The following PDZRN4 variants were observed in gnomAD, a reference collection of about 807,000 sequenced individuals.
PDZRN4 encodes the protein PDZ domain containing ring finger 4, also known as PDZ domain-containing RING finger protein 4.
Under a neutral mutation model 99.0 loss-of-function variants are expected in PDZRN4, and 70 were observed. The observed-to-expected ratio is 0.71, with a 90% CI of 0.58 to 0.86. PDZRN4 has a LOEUF of 0.86. PDZRN4 is among the 40% of genes least tolerant of loss of function. PDZRN4 has a pLI of 0.00. For synonymous variants in PDZRN4, 551 were observed against 501.6 expected (o/e 1.10, Z -1.32); for missense variants, 1,474 against 1,331.2 (o/e 1.11, Z -1.67).
chr12:41,555,884 A>C, intron 7 of PDZRN4, 124 bp downstream of exon 7: 1 of 751,106 alleles, frequency 1.3e-6, no homozygotes, highest in Non-Finnish European at 2.2e-6. Context: ...CATCTACAAA[A>C]CCAAAAAAAA....
chr12:41,481,915 C>T (rs932443870), intron 3 of PDZRN4, among the ~76,000 whole-genome samples: 2 of 151,944 alleles, frequency 1.3e-5, no homozygotes, highest in African/African-American at 4.8e-5. Flanking sequence ...TCAATTTACC[C>T]GATTAAGAAG....
intron 3 of PDZRN4, among the ~76,000 whole-genome samples, chr12:41,427,311 G>A (rs1952545299): frequency 6.6e-6 from 1 of 152,188 alleles, no homozygotes; most frequent in Admixed American, 6.5e-5. Flanking sequence ...ACTTTGGCAA[G>A]GCTATATTAT....
Position 41,206,357 on chromosome 12 carries a change from GT to G in PDZRN4, c.843+12176del, listed in dbSNP as rs201747480. The stretch of plus-strand genomic sequence containing the variant: ...TACTTGCAAAGACTTGGTATTGTGT[GT>G]TTTTTTAATTTCATCCATCTGGTGA... On this transcript the variant is annotated intron_variant, in intron 3 of 9. Transcript: ENST00000402685. Among the ~76,000 whole-genome samples the G allele has an allele frequency of 9.9e-4, 150 of 151,820 alleles. 3 individuals carry two copies. The East Asian group carries it at 0.026, about 26-fold the overall frequency.
At chr12:41,374,324 C>A (rs1952064144) in intron 3 of PDZRN4, among the ~76,000 whole-genome samples, 1 of 152,010 alleles carries the variant, frequency 6.6e-6, no homozygotes, top group African/African-American at 2.4e-5. Context: ...AAAGGTAAGT[C>A]ATTTTTCTGG....
At chr12:41,272,108 C>T (rs1951318328) in intron 3 of PDZRN4, among the ~76,000 whole-genome samples, 1 of 151,544 alleles carries the variant, frequency 6.6e-6, no homozygotes, top group African/African-American at 2.4e-5. Flanking sequence ...AACTTGTTTC[C>T]TTAATTCACA....
At chr12:41,472,807 A>G (rs1445419590) in intron 3 of PDZRN4, among the ~76,000 whole-genome samples, 2 of 152,218 alleles carry the variant, frequency 1.3e-5, no homozygotes, top group African/African-American at 2.4e-5. Flanking sequence ...TAACTTTCCC[A>G]TAGGCATTGC....
At chr12:41,214,429 C>CAAAAAAA (rs1950907530) in intron 3 of PDZRN4, among the ~76,000 whole-genome samples, 1 of 16,202 alleles carries the variant, frequency 6.2e-5, no homozygotes. Context: ...ACCCTGTCCC[C>CAAAAAAA]TAAAAAAAAA....
rs374830334 is a variant in PDZRN4, at chr12:41,378,119, CTATGACCATTATTATGTTGA to C, written c.844-128335_844-128316del. On this transcript the variant is annotated intron_variant, in intron 3 of 9. Coordinates refer to ENST00000402685, the MANE Select transcript of PDZRN4 (RefSeq NM_001164595.2). ...ATGATGTTAGCTGTGGACTTATCAT[CTATGACCATTATTATGTTGA>C]TGTACATTCATTCTATACCCAATTT... Among the ~76,000 whole-genome samples the C allele has an allele frequency of 1.8e-3, 267 of 152,240 alleles. 2 individuals carry two copies. The highest frequency in any genetic ancestry group is 6.1e-3 in the African/African-American group (253 of 41,540).
chr12:41,505,593 G>A (rs2120671468), intron 3 of PDZRN4, among the ~76,000 whole-genome samples: 1 of 152,222 alleles, frequency 6.6e-6, no homozygotes, highest in South Asian at 2.1e-4. Flanking sequence ...GCATAGGAGA[G>A]TCCCACAAAA....
At chr12:41,302,794 A>G (rs1268485288) in intron 3 of PDZRN4, among the ~76,000 whole-genome samples, 2 of 152,124 alleles carry the variant, frequency 1.3e-5, no homozygotes. Context: ...TCCCCCATCC[A>G]TAATGGATGA....
At chr12:41,395,694 G>T (rs1319738567) in intron 3 of PDZRN4, among the ~76,000 whole-genome samples, 1 of 152,006 alleles carries the variant, frequency 6.6e-6, no homozygotes, top group Admixed American at 6.6e-5. Flanking sequence ...TATCTTCAAA[G>T]TATACCTATC....
intron 3 of PDZRN4, among the ~76,000 whole-genome samples, chr12:41,400,534 T>C (rs1156234968): frequency 6.6e-6 from 1 of 152,170 alleles, no homozygotes; most frequent in African/African-American, 2.4e-5. Context: ...TCTTCTCATA[T>C]GAAAATATAC....
chr12:41,229,338 C>T (rs948415665), intron 3 of PDZRN4, among the ~76,000 whole-genome samples: 1 of 151,936 alleles, frequency 6.6e-6, no homozygotes, highest in Non-Finnish European at 1.5e-5. Context: ...GAGTGCCAGA[C>T]AGGATTCTTA....
At chr12:41,540,513 CACAA>C (rs748850918) in intron 5 of PDZRN4, among the ~76,000 whole-genome samples, 1 of 152,096 alleles carries the variant, frequency 6.6e-6, no homozygotes, top group East Asian at 1.9e-4. Context: ...TTCTATGTAA[CACAA>C]ACAATCTGAT....
chr12:41,493,847 A>G (rs903967495), intron 3 of PDZRN4, among the ~76,000 whole-genome samples: 4 of 150,024 alleles, frequency 2.7e-5, no homozygotes, highest in African/African-American at 9.7e-5. Context: ...ATTGGCAGGC[A>G]CTAAGTCACC....
intron 3 of PDZRN4, among the ~76,000 whole-genome samples, chr12:41,230,237 A>G (rs1951019130): frequency 6.6e-6 from 1 of 151,984 alleles, no homozygotes; most frequent in South Asian, 2.1e-4. Flanking sequence ...AGTGCATTCC[A>G]TGTGAAAGTA....
At chr12:41,555,255 A>AAAAGAAAAG (rs1939136923) in intron 6 of PDZRN4, among the ~76,000 whole-genome samples, 4 of 149,122 alleles carry the variant, frequency 2.7e-5, no homozygotes, top group African/African-American at 7.4e-5. Flanking sequence ...AAAAAGAAAA[A>AAAAGAAAAG]AAAAAGGACG....
intron 3 of PDZRN4, among the ~76,000 whole-genome samples, chr12:41,449,354 G>A (rs1160447796): frequency 6.6e-6 from 1 of 152,192 alleles, no homozygotes; most frequent in South Asian, 2.1e-4. Context: ...AATCTCTGGA[G>A]GTCAAAAACC....
chr12:41,419,857 A>T (rs1203233675), intron 3 of PDZRN4, among the ~76,000 whole-genome samples: 1 of 152,156 alleles, frequency 6.6e-6, no homozygotes, highest in Non-Finnish European at 1.5e-5. Context: ...CCTTACATCC[A>T]TCAGGCTATA....
Sources: allele counts gnomAD v4.1 joint callset (sites outside exome capture counted in the v4.1 genomes callset), GRCh38; gene constraint gnomAD v4.1.1; transcripts MANE v1.5; gene names NCBI Gene and HGNC (gene_info 2026-07-23, HGNC 2026-07-21).